The following NUP62 variants were observed in gnomAD, a reference collection of about 807,000 sequenced individuals.
NUP62 encodes nucleoporin 62.
For synonymous variants in NUP62, 305 were observed against 303.4 expected, an observed-to-expected ratio of 1.01 and a Z score of -0.05; for missense variants, 647 against 689.4, an observed-to-expected ratio of 0.94 and a Z score of 0.69.
In NUP62 at chr19:49,909,644, G is replaced by A; in HGVS notation, c.164C>T (p.Pro55Leu). ...GAPFQPATST[P>L]STGLFSLATQ... Reference sequence around the variant, plus strand: ...GGCAAGTGAGAACAGGCCGGTGGAAGGGGTACTTGTGGCTGGTTGGAAGGG... The same window carrying A: ...GGCAAGTGAGAACAGGCCGGTGGAAAGGGTACTTGTGGCTGGTTGGAAGGG... Residue 55 changes from proline to leucine, a missense_variant, in exon 3 of 3, where the codon CCT (proline) becomes CTT (leucine). Transcript: ENST00000352066. 6.2e-7 allele frequency: 1 copy of A among 1,614,216 alleles called. No homozygotes were observed. The highest frequency in any genetic ancestry group is 8.5e-7 in the Non-Finnish European group (1 of 1,180,046).
rs566582473 is a variant in NUP62, at chr19:49,913,741, CTCTG to C, written c.-77-3861_-77-3858del. Among the ~76,000 whole-genome samples, 766 of 152,310 alleles carry C rather than the reference CTCTG, an allele frequency of 5.0e-3. 2 individuals carry two copies. The highest frequency in any genetic ancestry group is 8.0e-3 in the Non-Finnish European group (543 of 68,032). ...ACTGTGAGTAGAAAGCTTTGCTGAG[CTCTG>C]TGAGTCTTAGCTCATCACTGAGCCG... On this transcript the variant is annotated intron_variant, in intron 2 of 2. Transcript: ENST00000352066.
chr19:49,913,116 A>C (rs186233994), intron 2 of NUP62: 2 of 152,596 alleles, frequency 1.3e-5, no homozygotes, highest in East Asian at 3.8e-4. Flanking sequence ...TCAGCCAGGG[A>C]AAGGATGGCG....
chr19:49,923,744 C>T (rs910393081), intron 2 of NUP62, among the ~76,000 whole-genome samples: 3 of 152,232 alleles, frequency 2.0e-5, no homozygotes, highest in Non-Finnish European at 2.9e-5. Context: ...CCCCATTTTA[C>T]GGAGGGGAAA....
chr19:49,908,731 G>A lies in NUP62; in HGVS notation c.1077C>T (p.Asn359=), dbSNP rs753830357. The A allele has an allele frequency of 3.7e-6, 6 of 1,613,120 alleles. No individual in the cohort carries two copies. Among genetic ancestry groups the A allele is most frequent in the South Asian group, 3.3e-5 (3 of 91,088 alleles). Residue 359 remains asparagine (N), a synonymous_variant, in exon 3 of 3, where the codon AAC becomes AAT. Coordinates refer to ENST00000352066, the MANE Select transcript of NUP62 (RefSeq NM_016553.5). The part of the protein sequence containing the change: ...RHFLQQATQV[N]AWDRTLIENG... Reference sequence around the variant, plus strand: ...TCTCGATCAGCGTGCGGTCCCAGGCGTTGACCTGGGTGGCCTGCTGGAGGA... The same window carrying A: ...TCTCGATCAGCGTGCGGTCCCAGGCATTGACCTGGGTGGCCTGCTGGAGGA...
intron 2 of NUP62, among the ~76,000 whole-genome samples, chr19:49,911,705 C>T (rs952617983): frequency 3.3e-5 from 5 of 152,206 alleles, no homozygotes; most frequent in Admixed American, 2.0e-4. Context: ...TCTCAATGGG[C>T]GTCCATCACT....
rs1017078047 is a variant in NUP62 at position 49,923,575 on chromosome 19, G to A, written c.-78+4119C>T. 4.1e-4 allele frequency among the ~76,000 whole-genome samples: 62 copies of A among 152,306 alleles called. 1 individual carries two copies. The highest frequency in any genetic ancestry group is 3.9e-3 in the Admixed American group (59 of 15,306). Reference sequence around the variant, plus strand: ...ACAGACCCGGGCTCTGGCAGCCGCCGGCTTCACTGATGCCATCTCCACAGC... The same window carrying A: ...ACAGACCCGGGCTCTGGCAGCCGCCAGCTTCACTGATGCCATCTCCACAGC... On this transcript the variant is annotated intron_variant, in intron 2 of 2. Transcript: ENST00000352066.
In NUP62 at chr19:49,909,154, C is replaced by A. The variant is rs1270853046; in HGVS notation, c.654G>T (p.Gly218=). 6.2e-7 allele frequency: 1 copy of A among 1,613,154 alleles called. No individual in the cohort carries two copies. The highest frequency in any genetic ancestry group is 1.7e-5 in the Admixed American group (1 of 60,004). The stretch of plus-strand genomic sequence containing the variant: ...TTGCTATTGACGCAAAGAGGCTGGG[C>A]CCAGTGCTGGTGATGGTGGCTGTGG... ...PTPTATITST[G]PSLFASIATA... is the part of the protein sequence containing the mutation. The change falls in exon 3 of 3, where the codon GGG becomes GGT. Residue 218 remains glycine (G), a synonymous_variant. Coordinates refer to ENST00000352066, the MANE Select transcript of NUP62 (RefSeq NM_016553.5).
chr19:49,909,323 C>A lies in NUP62; in HGVS notation c.485G>T (p.Gly162Val), dbSNP rs368941335. 6.2e-7 allele frequency: 1 copy of A among 1,613,756 alleles called. No individual in the cohort carries two copies. Among genetic ancestry groups the A allele is most frequent in the East Asian group, 2.2e-5 (1 of 44,854 alleles). ...ACCGGAGGGTTGGGCCGTGCTTCCACCAGTGAATGAGAAGCCTCCAGATGT... is the reference window on the plus strand; with the variant it reads ...ACCGGAGGGTTGGGCCGTGCTTCCAACAGTGAATGAGAAGCCTCCAGATGT... Reference protein sequence around the residue: ...ATTSGGFSFTGGSTAQPSGFN... With the variant: ...ATTSGGFSFTVGSTAQPSGFN... The change falls in exon 3 of 3, where the codon GGT (glycine) becomes GTT (valine). Residue 162 changes from glycine to valine, a missense_variant. Coordinates refer to ENST00000352066, the MANE Select transcript of NUP62 (RefSeq NM_016553.5).
intron 2 of NUP62, among the ~76,000 whole-genome samples, chr19:49,912,395 C>T (rs541205176): frequency 2.2e-4 from 34 of 152,284 alleles, no homozygotes; most frequent in African/African-American, 7.7e-4. Context: ...TCTTGAACTC[C>T]TGACCTCAGG....
chr19:49,909,106 G>C lies in NUP62; in HGVS notation c.702C>G (p.Thr234=). 1 of 1,612,484 alleles carries C rather than the reference G, an allele frequency of 6.2e-7. No homozygotes were observed. The highest frequency in any genetic ancestry group is 8.5e-7 in the Non-Finnish European group (1 of 1,180,026). ...CAGGGGTACAGAGGGAGAGTCCAGTGGTGGCAGATGAGGTTGGAGCAGTTG... is the reference window on the plus strand; with the variant it reads ...CAGGGGTACAGAGGGAGAGTCCAGTCGTGGCAGATGAGGTTGGAGCAGTTG... ...SIATAPTSSA[T]TGLSLCTPVT... The change falls in exon 3 of 3, where the codon ACC becomes ACG. Residue 234 remains threonine (T), a synonymous_variant. Coordinates refer to ENST00000352066, the MANE Select transcript of NUP62 (RefSeq NM_016553.5).
chr19:49,924,397 C>T (rs1253390421), intron 2 of NUP62, among the ~76,000 whole-genome samples: 2 of 152,184 alleles, frequency 1.3e-5, no homozygotes, highest in Admixed American at 6.5e-5. Flanking sequence ...TTATCCAAGG[C>T]TCTGCTAACC....
chr19:49,908,192 C>T lies in NUP62; in HGVS notation c.*47G>A. 1.8e-5 allele frequency: 29 copies of T among 1,603,642 alleles called. No individual in the cohort carries two copies. Among genetic ancestry groups the T allele is most frequent in the Non-Finnish European group, 2.3e-5 (27 of 1,177,780 alleles). The stretch of plus-strand genomic sequence containing the variant: ...AAACTACAGACAACAGGGCGCATTC[C>T]CCTCATGAACTCCCTAGGGACCTGC... On this transcript the variant is annotated 3_prime_UTR_variant, in exon 3 of 3. Transcript: ENST00000352066.
At chr19:49,926,402 C>T (rs562677488) in intron 2 of NUP62, among the ~76,000 whole-genome samples, 16 of 151,174 alleles carry the variant, frequency 1.1e-4, no homozygotes, top group African/African-American at 2.2e-4. Context: ...TGGTGGTGGG[C>T]GCCTGTAATC....
chr19:49,911,878 G>C (rs567654414), intron 2 of NUP62, among the ~76,000 whole-genome samples: 10 of 152,346 alleles, frequency 6.6e-5, no homozygotes, highest in Non-Finnish European at 1.5e-4. Context: ...CCCCAGGACT[G>C]CTGGGGCCTG....
At chr19:49,923,086 C>G (rs903484268) in intron 2 of NUP62, among the ~76,000 whole-genome samples, 2 of 150,828 alleles carry the variant, frequency 1.3e-5, no homozygotes, top group Non-Finnish European at 3.0e-5. Flanking sequence ...TTTTTTTTTG[C>G]ATAAGAGCTG....
At chr19:49,925,714 G>A (rs2075870654) in intron 2 of NUP62, among the ~76,000 whole-genome samples, 2 of 152,154 alleles carry the variant, frequency 1.3e-5, no homozygotes. Flanking sequence ...ACCAAAATCA[G>A]CATCAAGTGT....
intron 2 of NUP62, among the ~76,000 whole-genome samples, chr19:49,912,601 C>T (rs750228332): frequency 1.1e-4 from 16 of 152,306 alleles, no homozygotes; most frequent in South Asian, 8.3e-4. Context: ...AGGTGGCTCA[C>T]GCCTGTAATC....
At chr19:49,916,967 C>A (rs1293337068) in intron 2 of NUP62, among the ~76,000 whole-genome samples, 1 of 152,246 alleles carries the variant, frequency 6.6e-6, no homozygotes, top group South Asian at 2.1e-4. Flanking sequence ...AGGCCCATGG[C>A]ATTCGGCTGA....
Position 49,914,623 on chromosome 19 carries a change from C to A in NUP62, c.-77-4739G>T, listed in dbSNP as rs756698416. On this transcript the variant is annotated intron_variant, in intron 2 of 2. Coordinates refer to ENST00000352066, the MANE Select transcript of NUP62 (RefSeq NM_016553.5). ...CATCTGAATTCAGGTGGGCATATCC[C>A]ACCCCCATCTGTGAGAACCAGGGTT... 8.0e-4 allele frequency among the ~76,000 whole-genome samples: 122 copies of A among 152,126 alleles called. No individual in the cohort carries two copies. In the Middle Eastern group the frequency reaches 0.01, roughly 13 times the overall value.
Sources: allele counts gnomAD v4.1 joint callset (sites outside exome capture counted in the v4.1 genomes callset), GRCh38; gene constraint gnomAD v4.1.1; transcripts MANE v1.5; gene names NCBI Gene and HGNC (gene_info 2026-07-23, HGNC 2026-07-21).